AMPH: variants seen among roughly 807,000 people sequenced by gnomAD.
AMPH encodes amphiphysin.
Under a neutral mutation model 99.1 loss-of-function variants are expected in AMPH, and 49 were observed. The observed-to-expected ratio is 0.49, with a 90% CI of 0.39 to 0.63. AMPH has a LOEUF of 0.63. AMPH is among the 20% of genes least tolerant of loss of function. The pLI, the probability that AMPH is intolerant of heterozygous loss-of-function variation, is 0.00. For missense variants in AMPH, 759 were observed against 863.4 expected (o/e 0.88, Z 1.52); for synonymous variants, 314 against 317.3 (o/e 0.99, Z 0.11).
intron 5 of AMPH, among the ~76,000 whole-genome samples, chr7:38,486,558 G>C (rs1331668160): frequency 6.6e-6 from 1 of 152,006 alleles, no homozygotes; most frequent in African/African-American, 2.4e-5. Context: ...AAAGATTGCA[G>C]GGGAGAGAAC....
At chr7:38,555,616 T>A (rs1455514235) in intron 1 of AMPH, among the ~76,000 whole-genome samples, 2 of 152,146 alleles carry the variant, frequency 1.3e-5, no homozygotes, top group Admixed American at 1.3e-4. Context: ...AATAATAAAT[T>A]CATTTCCAGA....
At chr7:38,446,531 A>G (rs971008482) in intron 11 of AMPH, among the ~76,000 whole-genome samples, 2 of 152,208 alleles carry the variant, frequency 1.3e-5, no homozygotes, top group African/African-American at 2.4e-5. Flanking sequence ...TTCTGATACT[A>G]TATGATTCCA....
intron 1 of AMPH, among the ~76,000 whole-genome samples, chr7:38,563,221 A>C (rs1266410107): frequency 6.6e-6 from 1 of 151,840 alleles, no homozygotes; most frequent in Non-Finnish European, 1.5e-5. Flanking sequence ...TTAATTGCAC[A>C]CATAAATGCC....
At chr7:38,513,916 CT>C (rs1209915412) in intron 2 of AMPH, among the ~76,000 whole-genome samples, 6 of 152,144 alleles carry the variant, frequency 3.9e-5, no homozygotes, top group African/African-American at 1.4e-4. Context: ...ATATTTCTGC[CT>C]TCTTAAGAAA....
chr7:38,609,953 A>AC (rs1793568300), intron 1 of AMPH, among the ~76,000 whole-genome samples: 1 of 151,872 alleles, frequency 6.6e-6, no homozygotes, highest in Non-Finnish European at 1.5e-5. Context: ...TCAGCTGAGA[A>AC]CGGTGGCTCA....
chr7:38,425,836 T>A (rs570761913), intron 15 of AMPH, among the ~76,000 whole-genome samples: 1 of 152,294 alleles, frequency 6.6e-6, no homozygotes, highest in South Asian at 2.1e-4. Context: ...AGGGAGTGTA[T>A]GGTGGTCTGA....
intron 17 of AMPH, among the ~76,000 whole-genome samples, chr7:38,395,468 A>C (rs1345070063): frequency 1.3e-5 from 2 of 152,220 alleles, no homozygotes; most frequent in African/African-American, 4.8e-5. Flanking sequence ...GAGATAATGA[A>C]ATAAAGGAAA....
chr7:38,470,615 G>T (rs373481982), intron 7 of AMPH, among the ~76,000 whole-genome samples: 6 of 152,042 alleles, frequency 3.9e-5, no homozygotes, highest in East Asian at 1.9e-4. Flanking sequence ...GCTCTCAAAG[G>T]TTCTGCTTTG....
intron 11 of AMPH, among the ~76,000 whole-genome samples, chr7:38,456,625 A>G (rs1474548171): frequency 6.6e-6 from 1 of 152,212 alleles, no homozygotes; most frequent in South Asian, 2.1e-4. Flanking sequence ...CATAGCTATC[A>G]CCAACACCAG....
chr7:38,586,321 A>C (rs17498549), intron 1 of AMPH, among the ~76,000 whole-genome samples: 21,723 of 152,236 alleles, frequency 0.14, 1,859 homozygotes, highest in Non-Finnish European at 0.2. Flanking sequence ...AATTTTTAAA[A>C]GGGCATTCTC....
intron 1 of AMPH, among the ~76,000 whole-genome samples, chr7:38,621,189 T>C (rs890270937): frequency 6.6e-6 from 1 of 152,204 alleles, no homozygotes; most frequent in Non-Finnish European, 1.5e-5. Context: ...TCTACCTACT[T>C]TAAGTAACTG....
chr7:38,454,023 G>A (rs1048071988), intron 11 of AMPH, among the ~76,000 whole-genome samples: 4 of 152,168 alleles, frequency 2.6e-5, no homozygotes, highest in African/African-American at 4.8e-5. Context: ...TATCCCTGGC[G>A]GCATCTCGGT....
At chr7:38,602,658 A>G (rs548097645) in intron 1 of AMPH, among the ~76,000 whole-genome samples, 1 of 152,358 alleles carries the variant, frequency 6.6e-6, no homozygotes, top group South Asian at 2.1e-4. Context: ...ACTGAACTAC[A>G]TCTACAAAGT....
At chr7:38,572,491 A>T (rs1792085866) in intron 1 of AMPH, among the ~76,000 whole-genome samples, 1 of 152,202 alleles carries the variant, frequency 6.6e-6, no homozygotes, top group Admixed American at 6.5e-5. Flanking sequence ...ACACGACTGT[A>T]CAGGGGATGC....
chr7:38,624,365 C>T (rs781407798), intron 1 of AMPH, among the ~76,000 whole-genome samples: 1 of 150,912 alleles, frequency 6.6e-6, no homozygotes, highest in Non-Finnish European at 1.5e-5. Flanking sequence ...AATAGTCTAA[C>T]TCCCTTATTA....
chr7:38,448,469 T>C (rs760765111), intron 11 of AMPH, among the ~76,000 whole-genome samples: 1 of 152,214 alleles, frequency 6.6e-6, no homozygotes, highest in Non-Finnish European at 1.5e-5. Flanking sequence ...TATGATAAAG[T>C]TGAAGTTATC....
At chr7:38,531,230 G>C (rs997447346) in intron 2 of AMPH, 6 of 152,126 alleles carry the variant, frequency 3.9e-5, no homozygotes, top group African/African-American at 1.4e-4. Context: ...ATTAGTGCAG[G>C]AACCCAATTA....
chr7:38,503,560 G>A (rs925046413), intron 3 of AMPH, 90 bp downstream of exon 3: 10 of 1,361,494 alleles, frequency 7.3e-6, no homozygotes, highest in Non-Finnish European at 1.0e-5. Context: ...AAGCCAAATG[G>A]CTTTGTAATT....
chr7:38,580,292 C>T (rs950641361), intron 1 of AMPH, among the ~76,000 whole-genome samples: 1 of 152,116 alleles, frequency 6.6e-6, no homozygotes, highest in African/African-American at 2.4e-5. Flanking sequence ...GAACAAAAGG[C>T]TCTGAATTCC....
Sources: allele counts gnomAD v4.1 joint callset (sites outside exome capture counted in the v4.1 genomes callset), GRCh38; gene constraint gnomAD v4.1.1; transcripts MANE v1.5; gene names NCBI Gene and HGNC (gene_info 2026-07-23, HGNC 2026-07-21).